The following FBXL14 variants were observed in gnomAD, a reference collection of about 807,000 sequenced individuals.
FBXL14 encodes the protein F-box and leucine rich repeat protein 14.
FBXL14 carries 11 observed loss-of-function variants against 24.5 expected under a neutral mutation model. The observed-to-expected ratio is 0.45, with a 90% CI of 0.28 to 0.74. The LOEUF is 0.74. Ranked by LOEUF, FBXL14 falls within the 30% of genes least tolerant of loss-of-function variation. The pLI, the probability that FBXL14 is intolerant of heterozygous loss-of-function variation, is 0.12. For synonymous variants in FBXL14, 294 were observed against 240.4 expected (o/e 1.22, Z -2.06); for missense variants, 384 against 545.6 (o/e 0.70, Z 2.95).
At chr12:1,568,009 G>A (rs1014506066) in intron 1 of FBXL14, among the ~76,000 whole-genome samples, 1 of 152,214 alleles carries the variant, frequency 6.6e-6, no homozygotes, top group African/African-American at 2.4e-5. Flanking sequence ...ACTTGAAATG[G>A]TAATGACAGA....
Position 1,594,125 on chromosome 12 carries a change from C to A in FBXL14, c.-59G>T. 1 of 1,294,384 alleles carries A rather than the reference C, an allele frequency of 7.7e-7. No individual in the cohort carries two copies. Among genetic ancestry groups the A allele is most frequent in the Non-Finnish European group, 9.8e-7 (1 of 1,022,764 alleles). 80.2% of individuals were successfully genotyped at this position (1,294,384 alleles called of 1,614,324 possible). ...GGAGGCGCGGGCCCCGCCGCTCCGG[C>A]CTCGGGCAGGCGACGAGAGCGCTTC... On this transcript the variant is annotated 5_prime_UTR_variant, in exon 1 of 2. Coordinates refer to ENST00000339235, the MANE Select transcript of FBXL14 (RefSeq NM_152441.3).
intron 1 of FBXL14, among the ~76,000 whole-genome samples, chr12:1,585,553 A>C (rs2094474898): frequency 6.6e-6 from 1 of 152,218 alleles, no homozygotes; most frequent in Non-Finnish European, 1.5e-5. Flanking sequence ...TAGTAATTCC[A>C]CATTAATATT....
chr12:1,587,403 C>T (rs1189830062), intron 1 of FBXL14: 1 of 151,930 alleles, frequency 6.6e-6, no homozygotes, highest in Non-Finnish European at 1.5e-5. Flanking sequence ...TTTAACATAC[C>T]CCACTCTGGT....
chr12:1,590,524 C>A (rs911026138), intron 1 of FBXL14, among the ~76,000 whole-genome samples: 4 of 152,186 alleles, frequency 2.6e-5, no homozygotes, highest in African/African-American at 9.7e-5. Flanking sequence ...ACCCATAGGT[C>A]TCCACAGCCA....
intron 1 of FBXL14, among the ~76,000 whole-genome samples, chr12:1,585,975 A>G (rs745723180): frequency 2.0e-5 from 3 of 152,236 alleles, no homozygotes; most frequent in Non-Finnish European, 2.9e-5. Flanking sequence ...ACTATGTGCA[A>G]CAAAGCAGTG....
chr12:1,580,380 C>T (rs2094463889), intron 1 of FBXL14, among the ~76,000 whole-genome samples: 1 of 152,202 alleles, frequency 6.6e-6, no homozygotes, highest in Admixed American at 6.5e-5. Context: ...CTGCATATTG[C>T]TTCCAAACTC....
intron 1 of FBXL14, among the ~76,000 whole-genome samples, chr12:1,574,451 T>G (rs12818075): frequency 4.2e-5 from 1 of 23,772 alleles, no homozygotes; most frequent in African/African-American, 1.4e-4. Flanking sequence ...GGGAGGCTGG[T>G]GGCAGCCGTG....
chr12:1,571,498 G>A (rs781565874), intron 1 of FBXL14, among the ~76,000 whole-genome samples: 13 of 152,142 alleles, frequency 8.5e-5, no homozygotes, highest in Non-Finnish European at 1.5e-4. Flanking sequence ...GTGAGCCACC[G>A]CGCCCAGCCA....
rs571451561 is a variant in FBXL14 at position 1,567,713 on chromosome 12, C to A, written c.1195-903G>T. Among the ~76,000 whole-genome samples the A allele has an allele frequency of 3.9e-5, 6 of 152,214 alleles. No homozygotes were observed. In the East Asian group the frequency reaches 9.6e-4, roughly 24 times the overall value. On this transcript the variant is annotated intron_variant, in intron 1 of 1. Coordinates refer to ENST00000339235, the MANE Select transcript of FBXL14 (RefSeq NM_152441.3). The surrounding 1 kb of genome is among the most constrained non-coding windows in gnomAD (Gnocchi z 4.8). The stretch of plus-strand genomic sequence containing the variant: ...AGGGAGATGGGAATCTAAGAAAAAA[C>A]CAAATGAAGTGACAGAGAGCAAAGC...
rs758584032 is a variant in FBXL14, at chr12:1,593,850, C to A, written c.217G>T (p.Val73Leu). ...PSLQARGIRR[V>L]QILSLRRSLS... ...CTGCGGCGGAGGCTCAGGATCTGCA[C>A]CCGGCGGATGCCCCGGGCCTGCAGG... The change falls in exon 1 of 2, where the codon GTG becomes TTG. Residue 73 changes from valine (V) to leucine (L), a missense_variant. Physicochemically the swap from Val to Leu is conservative, Grantham distance 32. Transcript: ENST00000339235. This position sits in a 1 kb window ranked among gnomAD's most constrained non-coding sequence, Gnocchi z 7.4. The A allele has an allele frequency of 1.7e-5, 28 of 1,613,506 alleles. No homozygotes were observed. Among genetic ancestry groups the A allele is most frequent in the Non-Finnish European group, 2.3e-5 (27 of 1,179,954 alleles).
At chr12:1,583,738 A>C (rs2154438123) in intron 1 of FBXL14, among the ~76,000 whole-genome samples, 1 of 152,024 alleles carries the variant, frequency 6.6e-6, no homozygotes, top group Non-Finnish European at 1.5e-5. Flanking sequence ...ACAGTGGAGG[A>C]CATTTAGTTT....
rs2154438460 is a variant in FBXL14, at chr12:1,593,643, G to A, written c.424C>T (p.Leu142Phe). 1.9e-6 allele frequency: 3 copies of A among 1,614,176 alleles called. No homozygotes were observed. Among genetic ancestry groups the A allele is most frequent in the East Asian group, 4.5e-5 (2 of 44,870 alleles). Residue 142 changes from leucine (L) to phenylalanine (F), a missense_variant, in exon 1 of 2, where the codon CTC becomes TTC. Coordinates refer to ENST00000339235, the MANE Select transcript of FBXL14 (RefSeq NM_152441.3). This position sits in a 1 kb window ranked among gnomAD's most constrained non-coding sequence, Gnocchi z 7.4. ...AGCTCCAGCACCTCCAGGCCCTTGAGGTACTGGGCTATGCGGCCCAGGCTG... is the reference window on the plus strand; with the variant it reads ...AGCTCCAGCACCTCCAGGCCCTTGAAGTACTGGGCTATGCGGCCCAGGCTG... ...DSSLGRIAQY[L>F]KGLEVLELGG... is the part of the protein sequence containing the mutation.
chr12:1,567,000 C>T (rs113610559), intron 1 of FBXL14, among the ~76,000 whole-genome samples, 190 bp from the exon 2 acceptor site: 12 of 152,150 alleles, frequency 7.9e-5, no homozygotes, highest in African/African-American at 2.7e-4. Context: ...GGAGGGAGGA[C>T]GGAGACTCAT....
intron 1 of FBXL14, among the ~76,000 whole-genome samples, chr12:1,581,792 T>G (rs898962612): frequency 6.6e-6 from 1 of 152,106 alleles, no homozygotes. Context: ...ATTCAAAGGT[T>G]GTTTCTGTGG....
intron 1 of FBXL14, among the ~76,000 whole-genome samples, chr12:1,581,556 C>T (rs2094466394): frequency 6.6e-6 from 1 of 152,142 alleles, no homozygotes. Flanking sequence ...ATGCTTTTTC[C>T]TATGTGTCCT....
intron 1 of FBXL14, among the ~76,000 whole-genome samples, chr12:1,582,204 G>T (rs1436846449): frequency 6.7e-6 from 1 of 150,356 alleles, no homozygotes; most frequent in Admixed American, 6.6e-5. Context: ...AAGGAAGAAA[G>T]AAAGAGAAAG....
intron 1 of FBXL14, chr12:1,587,599 G>A (rs1358912320): frequency 6.6e-6 from 1 of 152,196 alleles, no homozygotes; most frequent in Non-Finnish European, 1.5e-5. Context: ...CAATTGTCTA[G>A]AAATTCCATA....
chr12:1,584,066 A>G (rs1378252440), intron 1 of FBXL14, among the ~76,000 whole-genome samples: 1 of 152,168 alleles, frequency 6.6e-6, no homozygotes, highest in Non-Finnish European at 1.5e-5. Context: ...TTATTTCTAA[A>G]GAAAGCAGTT....
At chr12:1,585,308 G>C (rs759245642) in intron 1 of FBXL14, among the ~76,000 whole-genome samples, 15 of 151,942 alleles carry the variant, frequency 9.9e-5, no homozygotes, top group African/African-American at 3.4e-4. Flanking sequence ...TGAGCCAGGA[G>C]AATGGCGTGA....
Sources: gnomAD v4.1 joint callset for allele counts (sites outside exome capture counted in the v4.1 genomes callset) on GRCh38, gnomAD v4.1.1 for gene constraint, Gnocchi (gnomAD v3.1) non-coding constraint, MANE v1.5 for transcripts, NCBI Gene and HGNC (gene_info 2026-07-23, HGNC 2026-07-21) for gene names.